HYCC2: variants seen among roughly 807,000 people sequenced by gnomAD.
The protein encoded by HYCC2 is hyccin PI4KA lipid kinase complex subunit 2, also known as hyccin 2.
chr2:201,021,214 G>T, the HYCC2 span, among the ~76,000 whole-genome samples: 23 of 152,060 alleles, frequency 1.5e-4, no homozygotes, highest in African/African-American at 5.6e-4. Context: ...GTCCAGAATT[G>T]TTTTGAAATT....
chr2:200,993,004 C>A, the HYCC2 span: 1 of 1,591,748 alleles, frequency 6.3e-7, no homozygotes, highest in Non-Finnish European at 8.6e-7. Flanking sequence ...CACACAAACC[C>A]TAGGAAAATA....
At chr2:201,041,164 A>C in the HYCC2 span, among the ~76,000 whole-genome samples, 1 of 152,230 alleles carries the variant, frequency 6.6e-6, no homozygotes, top group Non-Finnish European at 1.5e-5. Context: ...TCTCCATGAT[A>C]CTATGTCCTA....
chr2:200,982,240 A>C, the HYCC2 span, among the ~76,000 whole-genome samples: 4 of 151,984 alleles, frequency 2.6e-5, no homozygotes, highest in African/African-American at 9.7e-5. Flanking sequence ...GAAAAAAAAA[A>C]AAAAAACTTT....
At chr2:201,024,180 T>C in the HYCC2 span, 7 of 519,262 alleles carry the variant, frequency 1.3e-5, no homozygotes, top group Non-Finnish European at 2.4e-5. Flanking sequence ...GGAGCACAAT[T>C]AAAAGAAAAT....
the HYCC2 span, among the ~76,000 whole-genome samples, chr2:201,043,654 G>A: frequency 6.6e-5 from 10 of 151,452 alleles, no homozygotes; most frequent in East Asian, 1.9e-4. Flanking sequence ...GACTACAGGC[G>A]CCTGCCACCA....
chr2:200,995,567 T>C, the HYCC2 span, among the ~76,000 whole-genome samples: 3 of 152,338 alleles, frequency 2.0e-5, no homozygotes, highest in African/African-American at 4.8e-5. Context: ...ATGTTGTAGG[T>C]TGCCTGTGTT....
chr2:201,011,423 G>T, the HYCC2 span: 1 of 1,583,300 alleles, frequency 6.3e-7, no homozygotes. Context: ...GGATAAGGAG[G>T]GGATAGTGAA....
chr2:201,037,583 T>C, the HYCC2 span, among the ~76,000 whole-genome samples: 4 of 152,058 alleles, frequency 2.6e-5, no homozygotes, highest in Non-Finnish European at 5.9e-5. Context: ...TCAGAAATAA[T>C]GCCACATATC....
the HYCC2 span, among the ~76,000 whole-genome samples, chr2:201,039,076 G>C: frequency 6.6e-6 from 1 of 152,024 alleles, no homozygotes; most frequent in Non-Finnish European, 1.5e-5. Context: ...GTATATGGCT[G>C]GAATAGACTC....
the HYCC2 span, chr2:201,009,298 A>G: frequency 2.5e-6 from 1 of 396,026 alleles, no homozygotes; most frequent in Admixed American, 3.7e-5. Flanking sequence ...ATATAAAACT[A>G]AAAACATTTT....
chr2:201,067,494 A>C, the HYCC2 span, among the ~76,000 whole-genome samples: 279 of 152,338 alleles, frequency 1.8e-3, 1 homozygote, highest in African/African-American at 6.5e-3. Flanking sequence ...ACACCTCTTA[A>C]TATATTACAT....
At chr2:201,063,972 A>G in the HYCC2 span, 33 of 1,597,566 alleles carry the variant, frequency 2.1e-5, no homozygotes, top group Non-Finnish European at 2.7e-5. Flanking sequence ...GGAGGCCAAT[A>G]CTTTGCAAAA....
chr2:201,040,109 G>A, the HYCC2 span, among the ~76,000 whole-genome samples: 1 of 151,480 alleles, frequency 6.6e-6, no homozygotes, highest in African/African-American at 2.4e-5. Flanking sequence ...GGAGGCAGAG[G>A]TTGCAGTGAG....
chr2:201,022,104 G>C, the HYCC2 span: 1 of 1,289,514 alleles, frequency 7.8e-7, no homozygotes, highest in Non-Finnish European at 1.0e-6. Context: ...AGGCACTCTT[G>C]GAGGCTGTAT....
chr2:201,041,848 G>C, the HYCC2 span, among the ~76,000 whole-genome samples: 1 of 151,944 alleles, frequency 6.6e-6, no homozygotes, highest in South Asian at 2.1e-4. Context: ...AAACCCTTTG[G>C]GCTTCAGTTT....
chr2:201,030,231 C>A, the HYCC2 span, among the ~76,000 whole-genome samples: 1 of 152,126 alleles, frequency 6.6e-6, no homozygotes, highest in South Asian at 2.1e-4. Context: ...TTTTTATTTA[C>A]TGGAAAATTA....
chr2:201,054,616 C>T, the HYCC2 span, among the ~76,000 whole-genome samples: 1 of 152,000 alleles, frequency 6.6e-6, no homozygotes, highest in Non-Finnish European at 1.5e-5. Flanking sequence ...AAAGCTTGGG[C>T]ATATCTTAAG....
At chr2:201,027,969 T>A in the HYCC2 span, among the ~76,000 whole-genome samples, 875 of 152,230 alleles carry the variant, frequency 5.7e-3, 13 homozygotes, top group East Asian at 0.02. Context: ...GCCAGGGCAA[T>A]CAGGCAAGAG....
At chr2:200,975,712 T>C in the HYCC2 span, 2 of 152,104 alleles carry the variant, frequency 1.3e-5, no homozygotes, top group Non-Finnish European at 2.9e-5. Flanking sequence ...TATCCTGAAT[T>C]GTTTGCTCTT....
Sources: allele counts gnomAD v4.1 joint callset (sites outside exome capture counted in the v4.1 genomes callset), GRCh38; gene constraint gnomAD v4.1.1; transcripts MANE v1.5; gene names NCBI Gene and HGNC (gene_info 2026-07-23, HGNC 2026-07-21).